The following MALRD1 variants were observed in gnomAD, a reference collection of about 807,000 sequenced individuals.
The protein encoded by MALRD1 is MAM and LDL-receptor class A domain-containing protein 1.
Under a neutral mutation model 242.1 loss-of-function variants are expected in MALRD1, and 247 were observed. The observed-to-expected ratio is 1.02, with a 90% confidence interval of 0.92 to 1.13. The LOEUF (loss-of-function observed/expected upper bound fraction) is 1.13. Among genes scored for constraint, MALRD1 ranks in the 50% most tolerant of loss-of-function variants. The pLI is 0.00. For missense variants in MALRD1, 2,989 were observed against 2,533.1 expected (o/e 1.18, Z -3.86); for synonymous variants, 995 against 866.6 (o/e 1.15, Z -2.60).
chr10:19,730,187 CT>C (rs1835231488), intron 38 of MALRD1, among the ~76,000 whole-genome samples: 1 of 152,154 alleles, frequency 6.6e-6, no homozygotes, highest in Admixed American at 6.5e-5. Flanking sequence ...CCCTAAAGAA[CT>C]TTTCAAAACA....
chr10:19,187,747 G>A (rs1036769069), intron 14 of MALRD1, among the ~76,000 whole-genome samples: 1 of 152,018 alleles, frequency 6.6e-6, no homozygotes, highest in African/African-American at 2.4e-5. Flanking sequence ...ACTCGTAAGT[G>A]GGAACTAAAA....
intron 28 of MALRD1, among the ~76,000 whole-genome samples, chr10:19,396,975 A>G (rs539246343): frequency 5.9e-5 from 9 of 152,308 alleles, no homozygotes; most frequent in African/African-American, 1.7e-4. Flanking sequence ...TTTTTAACTG[A>G]CATAATAATT....
chr10:19,463,586 G>A (rs80100808), intron 29 of MALRD1, among the ~76,000 whole-genome samples: 123,338 of 151,436 alleles, frequency 0.81, 50,413 homozygotes, highest in East Asian at 1. Context: ...GTGTGTGTGT[G>A]TGTGTATATA....
intron 19 of MALRD1, among the ~76,000 whole-genome samples, chr10:19,273,997 G>A (rs562059065): frequency 6.6e-6 from 1 of 152,260 alleles, no homozygotes; most frequent in Non-Finnish European, 1.5e-5. Flanking sequence ...TGAGACTATA[G>A]AGAGATCAAA....
intron 18 of MALRD1, among the ~76,000 whole-genome samples, chr10:19,239,063 C>CT (rs35623542): frequency 3.3e-4 from 45 of 136,936 alleles, no homozygotes; most frequent in African/African-American, 6.9e-4. Flanking sequence ...TTGTCCTTTT[C>CT]TTTTTTTTTT....
intron 29 of MALRD1, among the ~76,000 whole-genome samples, chr10:19,462,369 C>T (rs756186053): frequency 5.3e-5 from 8 of 152,208 alleles, no homozygotes; most frequent in African/African-American, 1.9e-4. Flanking sequence ...TTCAAACTAG[C>T]CAATTGTAAA....
At position 19,568,137 on chromosome 10, in the gene MALRD1, A is replaced by G. The variant is rs1428126519; in HGVS notation, c.5680+434A>G. Among the ~76,000 whole-genome samples, 4 of 152,064 alleles carry G rather than the reference A, an allele frequency of 2.6e-5. No homozygotes were observed. The East Asian group carries it at 7.7e-4, about 29-fold the overall frequency. On this transcript the variant is annotated intron_variant, in intron 33 of 39. Transcript: ENST00000454679. ...TTCTATTGTACAAGCTAGAATGCTC[A>G]TTCTATTTCAAAAAGAAAAAAAAAG...
Position 19,209,476 on chromosome 10 carries a change from C to T in MALRD1, c.2787C>T (p.Leu929=), listed in dbSNP as rs753111160. 3.9e-6 allele frequency: 6 copies of T among 1,550,826 alleles called. No homozygotes were observed. The South Asian group carries it at 4.8e-5, about 12-fold the overall frequency. Residue 929 remains leucine, a synonymous_variant, in exon 18 of 40, where the codon CTC becomes CTT. Transcript: ENST00000454679. ...PQAFQDSAAL[L]SPILNATDTK... Reference sequence around the variant, plus strand: ...CTTTTCAAGACAGTGCTGCCTTACTCAGCCCAATCCTTAATGCCACTGATA... The same window carrying T: ...CTTTTCAAGACAGTGCTGCCTTACTTAGCCCAATCCTTAATGCCACTGATA...
chr10:19,127,285 C>T (rs978883202), intron 7 of MALRD1, among the ~76,000 whole-genome samples: 4 of 152,026 alleles, frequency 2.6e-5, no homozygotes, highest in Admixed American at 2.0e-4. Flanking sequence ...TTGCAGGTGC[C>T]TTGTAATTTT....
intron 33 of MALRD1, among the ~76,000 whole-genome samples, chr10:19,590,081 A>T (rs531835393): frequency 6.6e-6 from 1 of 152,042 alleles, no homozygotes; most frequent in South Asian, 2.1e-4. Flanking sequence ...AAATGGACCA[A>T]TGTGCTTTAT....
At chr10:19,636,882 G>C (rs1165049218) in intron 36 of MALRD1, among the ~76,000 whole-genome samples, 4 of 144,956 alleles carry the variant, frequency 2.8e-5, no homozygotes, top group African/African-American at 5.3e-5. Context: ...CTGGGTGACA[G>C]AGTGAGACTC....
intron 26 of MALRD1, among the ~76,000 whole-genome samples, chr10:19,374,187 A>G (rs1225169811): frequency 1.3e-5 from 2 of 152,216 alleles, no homozygotes; most frequent in Non-Finnish European, 2.9e-5. Context: ...TGCCTTAGTA[A>G]TTTAGACTGC....
rs1347975826 is a variant in MALRD1, at chr10:19,695,488, G to T, written c.6314+2934G>T. 7.3e-5 allele frequency among the ~76,000 whole-genome samples: 11 copies of T among 150,526 alleles called. 1 individual carries two copies. The Admixed American group carries it at 7.3e-4, about 10-fold the overall frequency. ...GGAGGCCTCACAATCATGGTAGAAG[G>T]CAAAAGAGAAGCAAAGGCATGTTTT... is the stretch of plus-strand genomic sequence containing the variant. On this transcript the variant is annotated intron_variant, in intron 38 of 39. Transcript: ENST00000454679.
At chr10:19,275,873 A>G (rs1209475348) in intron 19 of MALRD1, among the ~76,000 whole-genome samples, 2 of 152,154 alleles carry the variant, frequency 1.3e-5, no homozygotes, top group Admixed American at 6.5e-5. Context: ...TTCCATAAAT[A>G]TACATAATAT....
chr10:19,634,973 T>C (rs1038168024), intron 36 of MALRD1, among the ~76,000 whole-genome samples: 4 of 152,092 alleles, frequency 2.6e-5, no homozygotes, highest in Non-Finnish European at 4.4e-5. Context: ...AATGAAGAAA[T>C]GGTAAAATTT....
intron 11 of MALRD1, among the ~76,000 whole-genome samples, chr10:19,148,731 AG>A (rs1833810936): frequency 6.7e-6 from 1 of 148,426 alleles, no homozygotes; most frequent in African/African-American, 2.5e-5. Flanking sequence ...CCAGAGTGTG[AG>A]GGACAAAAAC....
At chr10:19,615,118 A>G (rs1476305125) in intron 35 of MALRD1, among the ~76,000 whole-genome samples, 1 of 152,046 alleles carries the variant, frequency 6.6e-6, no homozygotes, top group Non-Finnish European at 1.5e-5. Context: ...GAAATGATAA[A>G]TTTTTGAGAT....
At chr10:19,080,946 T>C (rs1365046922) in intron 2 of MALRD1, among the ~76,000 whole-genome samples, 1 of 151,884 alleles carries the variant, frequency 6.6e-6, no homozygotes, top group African/African-American at 2.4e-5. Context: ...CATTAAAAAG[T>C]GGGCAAAGGA....
At chr10:19,299,098 T>C (rs1250711152) in intron 21 of MALRD1, among the ~76,000 whole-genome samples, 22 of 151,956 alleles carry the variant, frequency 1.4e-4, no homozygotes. Flanking sequence ...AAATAAGGAA[T>C]GCATTATTGA....
Sources: allele counts gnomAD v4.1 joint callset (sites outside exome capture counted in the v4.1 genomes callset), GRCh38; gene constraint gnomAD v4.1.1; transcripts MANE v1.5; gene names NCBI Gene and HGNC (gene_info 2026-07-23, HGNC 2026-07-21).